The following CNTN1 variants were observed in gnomAD, a reference collection of about 807,000 sequenced individuals.
CNTN1 encodes contactin 1.
Under a neutral mutation model 126.4 loss-of-function variants are expected in CNTN1, and 38 were observed. That is an observed-to-expected ratio of 0.30 (90% confidence interval 0.23 to 0.39). The LOEUF (loss-of-function observed/expected upper bound fraction) is 0.39, where lower values mean the gene tolerates loss of function less well. Ranked by LOEUF, CNTN1 falls within the 10% of genes least tolerant of loss-of-function variation. The pLI is 1.00. For missense variants in CNTN1, 1,009 were observed against 1,248.4 expected, an observed-to-expected ratio of 0.81 and a Z score of 2.89; for synonymous variants, 413 against 422.6, an observed-to-expected ratio of 0.98 and a Z score of 0.28.
At chr12:40,764,603 G>A (rs1939003634) in intron 1 of CNTN1, among the ~76,000 whole-genome samples, 4 of 152,158 alleles carry the variant, frequency 2.6e-5, no homozygotes, top group Admixed American at 2.6e-4. Context: ...TCTCAAAAGT[G>A]CAGAGAAAGA....
At chr12:40,906,706 G>A (rs1015331510) in intron 1 of CNTN1, among the ~76,000 whole-genome samples, 8 of 114,196 alleles carry the variant, frequency 7.0e-5, no homozygotes, top group South Asian at 2.5e-4. Context: ...ATGGAGTTTC[G>A]CTCTTGTTGC....
chr12:40,964,525 AGTGT>A (rs369450437), intron 15 of CNTN1, among the ~76,000 whole-genome samples: 5,833 of 104,720 alleles, frequency 0.056, 151 homozygotes, highest in Non-Finnish European at 0.082. Flanking sequence ...CGTGTAAGTG[AGTGT>A]GTGTGTGTGT....
At chr12:40,983,224 A>C (rs979877684) in intron 16 of CNTN1, among the ~76,000 whole-genome samples, 1 of 152,048 alleles carries the variant, frequency 6.6e-6, no homozygotes, top group Non-Finnish European at 1.5e-5. Flanking sequence ...TTGAATCTAA[A>C]GTATGTTTTC....
At chr12:40,915,389 T>C (rs1945192703) in intron 3 of CNTN1, among the ~76,000 whole-genome samples, 2 of 152,136 alleles carry the variant, frequency 1.3e-5, no homozygotes, top group Admixed American at 6.6e-5. Flanking sequence ...CTCCATATAA[T>C]GACACTTCTA....
intron 1 of CNTN1, among the ~76,000 whole-genome samples, chr12:40,755,060 A>G (rs1049800296): frequency 6.6e-6 from 1 of 151,712 alleles, no homozygotes; most frequent in African/African-American, 2.4e-5. Flanking sequence ...GCATGGTGGC[A>G]TATGCCTGTA....
At chr12:40,895,755 A>ATTT (rs35784846) in intron 1 of CNTN1, among the ~76,000 whole-genome samples, 19 of 121,712 alleles carry the variant, frequency 1.6e-4, no homozygotes, top group African/African-American at 5.0e-4. Flanking sequence ...GTGCTTCAAG[A>ATTT]TTTTTTTTTT....
chr12:40,972,028 A>T, intron 15 of CNTN1: 1 of 985,912 alleles, frequency 1.0e-6, no homozygotes, highest in Non-Finnish European at 1.2e-6. Context: ...ATTCTTTGGC[A>T]TGAAAGAATG....
intron 6 of CNTN1, among the ~76,000 whole-genome samples, chr12:40,926,955 G>A (rs925052999): frequency 2.8e-4 from 43 of 152,048 alleles, no homozygotes; most frequent in African/African-American, 1.0e-3. Context: ...GAATAGATGT[G>A]GACATGTTAA....
intron 14 of CNTN1, among the ~76,000 whole-genome samples, chr12:40,954,500 T>C (rs1336901697): frequency 3.3e-5 from 5 of 152,092 alleles, no homozygotes; most frequent in African/African-American, 1.2e-4. Context: ...AATTTTAATA[T>C]AAGTAATAAA....
At chr12:40,914,357 A>G (rs1396304212) in intron 3 of CNTN1, among the ~76,000 whole-genome samples, 1 of 152,170 alleles carries the variant, frequency 6.6e-6, no homozygotes, top group Non-Finnish European at 1.5e-5. Flanking sequence ...CGAGGGAGAC[A>G]TGAGGATCAT....
At chr12:40,955,523 T>C (rs1019857994) in intron 14 of CNTN1, among the ~76,000 whole-genome samples, 5 of 152,092 alleles carry the variant, frequency 3.3e-5, no homozygotes, top group African/African-American at 4.8e-5. Context: ...TTATTTTATC[T>C]CATAACATTA....
At chr12:40,990,232 T>C (rs1182666564) in intron 16 of CNTN1, among the ~76,000 whole-genome samples, 3 of 152,218 alleles carry the variant, frequency 2.0e-5, no homozygotes, top group Non-Finnish European at 4.4e-5. Context: ...GGGTTTGTTC[T>C]AAAAAGAAGA....
Position 40,809,946 on chromosome 12 carries a change from ATTG to A in CNTN1, c.-76-98408_-76-98406del, listed in dbSNP as rs535548952. Among the ~76,000 whole-genome samples, 17 of 152,218 alleles carry A rather than the reference ATTG, an allele frequency of 1.1e-4. No homozygotes were observed. In the East Asian group the frequency reaches 3.1e-3, roughly 28 times the overall value. ...TAAAAATCAGGTGACACTAATCTCT[ATTG>A]TTAGTCGTCAGGATAGTGGCTATCT... On this transcript the variant is annotated intron_variant, in intron 1 of 23. Transcript: ENST00000551295.
intron 16 of CNTN1, among the ~76,000 whole-genome samples, chr12:40,983,411 T>G (rs1304638034): frequency 6.6e-6 from 1 of 152,040 alleles, no homozygotes; most frequent in Non-Finnish European, 1.5e-5. Context: ...ACTGCTTTCT[T>G]TTGGAAGAAG....
At chr12:40,822,921 C>T (rs1040417133) in intron 1 of CNTN1, among the ~76,000 whole-genome samples, 1 of 152,098 alleles carries the variant, frequency 6.6e-6, no homozygotes, top group African/African-American at 2.4e-5. Context: ...CTCTTATATT[C>T]TCTGGTGTTT....
intron 23 of CNTN1, among the ~76,000 whole-genome samples, chr12:41,034,398 T>C (rs780183345): frequency 2.0e-5 from 3 of 152,188 alleles, no homozygotes; most frequent in African/African-American, 7.2e-5. Context: ...TAGAAAACTA[T>C]TTTTTGGGTA....
In CNTN1 at chr12:40,867,868, G is replaced by T. The variant is rs150502828; in HGVS notation, c.-76-40489G>T. Among the ~76,000 whole-genome samples the T allele has an allele frequency of 8.9e-3, 1,328 of 149,326 alleles. 15 individuals are homozygous for T. Among genetic ancestry groups the T allele is most frequent in the African/African-American group, 0.031 (1,259 of 39,998 alleles). On this transcript the variant is annotated intron_variant, in intron 1 of 23. Coordinates refer to ENST00000551295, the MANE Select transcript of CNTN1 (RefSeq NM_001843.4). ...TCCTTTCTGTAAAGGGAGAGAAGAT[G>T]GGCTTTCTGAGTTTATTATTATTAT...
chr12:40,859,899 AC>A (rs1175469015), intron 1 of CNTN1, among the ~76,000 whole-genome samples: 1 of 152,160 alleles, frequency 6.6e-6, no homozygotes, highest in African/African-American at 2.4e-5. Flanking sequence ...AACATTTAAA[AC>A]TGAAGACTGC....
At chr12:40,768,375 T>C (rs1177118386) in intron 1 of CNTN1, among the ~76,000 whole-genome samples, 1 of 152,236 alleles carries the variant, frequency 6.6e-6, no homozygotes, top group Non-Finnish European at 1.5e-5. Context: ...TCAGTACTTT[T>C]GTTAAAACAC....
Sources: allele counts gnomAD v4.1 joint callset (sites outside exome capture counted in the v4.1 genomes callset), GRCh38; gene constraint gnomAD v4.1.1; transcripts MANE v1.5; gene names NCBI Gene and HGNC (gene_info 2026-07-23, HGNC 2026-07-21).